POLN: variants seen among roughly 807,000 people sequenced by gnomAD.
POLN encodes the protein DNA polymerase nu, also known as DNA polymerase N.
In POLN, 108 loss-of-function variants were observed where a neutral mutation model predicts 113.5. That is an observed-to-expected ratio of 0.95 (90% CI 0.81 to 1.12). The LOEUF (loss-of-function observed/expected upper bound fraction) is 1.12, where lower values mean the gene tolerates loss of function less well. Ranked by LOEUF, POLN falls within the 50% of genes most tolerant of loss-of-function variation. The pLI, the probability that POLN is intolerant of heterozygous loss-of-function variation, is 0.00. For synonymous variants in POLN, 386 were observed against 391.5 expected, an observed-to-expected ratio of 0.99 and a Z score of 0.17; for missense variants, 1,097 against 1,077.1, an observed-to-expected ratio of 1.02 and a Z score of -0.26.
Position 2,213,046 on chromosome 4 carries a change from C to A in POLN, c.213+1G>T, listed in dbSNP as rs751224774. 8 of 1,597,100 alleles carry A rather than the reference C, an allele frequency of 5.0e-6. No individual in the cohort carries two copies. Among genetic ancestry groups the A allele is most frequent in the Non-Finnish European group, 6.8e-6 (8 of 1,169,182 alleles). On this transcript the variant is annotated splice_donor_variant, in intron 4 of 25. Coordinates refer to ENST00000511885, the MANE Select transcript of POLN (RefSeq NM_181808.4). LOFTEE classifies it high-confidence loss of function. ...AATTACTCATATGTGCAATGATTTA[C>A]CTTTTTTTCTGGTGATTGAGTCTTC... is the stretch of plus-strand genomic sequence containing the variant.
Position 2,201,142 on chromosome 4 carries a change from C to G in POLN, c.715-2425G>C, listed in dbSNP as rs552130755. ...ATTAGCCGGGCGTGGTGGCACATGC[C>G]TGTAGTCCTAGTTACTCAAGAGGCT... On this transcript the variant is annotated intron_variant, in intron 5 of 25. Transcript: ENST00000511885. 2.4e-3 allele frequency among the ~76,000 whole-genome samples: 361 copies of G among 151,646 alleles called. 1 individual carries two copies. The highest frequency in any genetic ancestry group is 8.4e-3 in the African/African-American group (345 of 41,270).
At chr4:2,216,413 G>A (rs941265374) in intron 3 of POLN, among the ~76,000 whole-genome samples, 2 of 152,216 alleles carry the variant, frequency 1.3e-5, no homozygotes, top group African/African-American at 4.8e-5. Context: ...CCACGTACTG[G>A]TTAGTGATTT....
At chr4:2,238,064 G>T (rs564301597) in intron 2 of POLN, among the ~76,000 whole-genome samples, 1 of 152,154 alleles carries the variant, frequency 6.6e-6, no homozygotes, top group Non-Finnish European at 1.5e-5. Flanking sequence ...AAAATGAGGA[G>T]TAGGAGACAG....
At chr4:2,155,865 C>T (rs1433348728) in intron 16 of POLN, among the ~76,000 whole-genome samples, 3 of 151,762 alleles carry the variant, frequency 2.0e-5, no homozygotes, top group Non-Finnish European at 2.9e-5. Context: ...GACAGAGTCT[C>T]GCTCTGTCAC....
At chr4:2,123,677 G>A (rs981647533) in intron 19 of POLN, among the ~76,000 whole-genome samples, 1 of 146,964 alleles carries the variant, frequency 6.8e-6, no homozygotes, top group African/African-American at 2.5e-5. Context: ...ATGGTGGCAT[G>A]TACCTGTGGT....
At chr4:2,240,445 C>G in intron 2 of POLN, 1 of 1,613,842 alleles carries the variant, frequency 6.2e-7, no homozygotes, top group South Asian at 1.1e-5. Flanking sequence ...TCAGTAAGAG[C>G]CTGAAGTTCA....
chr4:2,126,309 T>C lies in POLN; in HGVS notation c.1982+1804A>G, dbSNP rs1391904719. On this transcript the variant is annotated intron_variant, in intron 19 of 25. Transcript: ENST00000511885. This position sits in a 1 kb window ranked among gnomAD's most constrained non-coding sequence, Gnocchi z 4.6. ...CCTCTGCTCCCCGTATATAAAATAT[T>C]TCTTCCTGAATTTTGTCATTCAAGT... is the stretch of plus-strand genomic sequence containing the variant. Among the ~76,000 whole-genome samples the C allele has an allele frequency of 6.6e-6, 1 of 152,252 alleles. No individual in the cohort carries two copies. The highest frequency in any genetic ancestry group is 2.4e-5 in the African/African-American group (1 of 41,460).
intron 14 of POLN, among the ~76,000 whole-genome samples, chr4:2,158,951 G>A (rs1272079442): frequency 1.3e-5 from 2 of 152,120 alleles, no homozygotes; most frequent in Non-Finnish European, 2.9e-5. Context: ...TGGGGTTCAC[G>A]AGTGGGGCTG....
At chr4:2,104,746 G>A (rs1731009759) in intron 19 of POLN, among the ~76,000 whole-genome samples, 1 of 152,220 alleles carries the variant, frequency 6.6e-6, no homozygotes, top group Non-Finnish European at 1.5e-5. Flanking sequence ...CAGACCACGT[G>A]AAACATGACA....
At chr4:2,077,232 G>C (rs962478234) in intron 23 of POLN, among the ~76,000 whole-genome samples, 1 of 152,190 alleles carries the variant, frequency 6.6e-6, no homozygotes, top group Admixed American at 6.5e-5. Context: ...GAGGGACTTC[G>C]GTCCTGCTGC....
At position 2,174,692 on chromosome 4, in the gene POLN, T is replaced by A. The variant is rs1732950587; in HGVS notation, c.1308A>T (p.Ala436=). The change falls in exon 10 of 26, where the codon GCA becomes GCT. Residue 436 remains alanine (A), a splice_region_variant and synonymous_variant. Coordinates refer to ENST00000511885, the MANE Select transcript of POLN (RefSeq NM_181808.4). Reference sequence around the variant, plus strand: ...TACTTCATCTTTATGGTAACTTACCTGCCAAAATTGGTATCAGAGGAAGCT... The same window carrying A: ...TACTTCATCTTTATGGTAACTTACCAGCCAAAATTGGTATCAGAGGAAGCT... ...TLELPLIPIL[A]VMESHAIQVN... 6.2e-7 allele frequency: 1 copy of A among 1,606,842 alleles called. No individual in the cohort carries two copies. The highest frequency in any genetic ancestry group is 8.5e-7 in the Non-Finnish European group (1 of 1,173,742).
chr4:2,082,523 A>T (rs551486891), intron 21 of POLN, among the ~76,000 whole-genome samples: 1 of 152,218 alleles, frequency 6.6e-6, no homozygotes, highest in South Asian at 2.1e-4. Context: ...GAAAATGAAC[A>T]CAAACACACT....
In POLN at chr4:2,090,559, T is replaced by A. The variant is rs1429854259; in HGVS notation, c.2066-4815A>T. The A allele has an allele frequency of 2.6e-5, 12 of 468,148 alleles. No individual in the cohort carries two copies. The East Asian group carries it at 5.4e-4, about 21-fold the overall frequency. 29.0% of individuals were successfully genotyped at this position (468,148 alleles called of 1,614,324 possible). On this transcript the variant is annotated intron_variant, in intron 20 of 25. Coordinates refer to ENST00000511885, the MANE Select transcript of POLN (RefSeq NM_181808.4). ...ATCCTCTACAGACTGGCCATGGTGA[T>A]CATCATCTTCAAGATCTTCATCGCA...
intron 16 of POLN, among the ~76,000 whole-genome samples, chr4:2,139,345 G>A (rs1470791499): frequency 6.6e-6 from 1 of 152,240 alleles, no homozygotes; most frequent in Admixed American, 6.5e-5. Context: ...GGGAGGCCAG[G>A]CTCCTCCACC....
chr4:2,100,084 A>AT (rs1387708183), intron 19 of POLN, among the ~76,000 whole-genome samples: 1 of 150,366 alleles, frequency 6.7e-6, no homozygotes, highest in African/African-American at 2.4e-5. Flanking sequence ...AAGAAAAAAA[A>AT]AGAAAAAGAA....
intron 16 of POLN, among the ~76,000 whole-genome samples, chr4:2,154,534 G>A (rs561636369): frequency 6.6e-6 from 1 of 152,282 alleles, no homozygotes; most frequent in African/African-American, 2.4e-5. Context: ...AAGGGACCAA[G>A]CATTTCACAT....
chr4:2,113,674 A>G (rs1731251135), intron 19 of POLN, among the ~76,000 whole-genome samples: 1 of 151,430 alleles, frequency 6.6e-6, no homozygotes, highest in Admixed American at 6.6e-5. Context: ...CCTGGCCAAC[A>G]TGGAGAAACC....
rs572539303 is a variant in POLN, at chr4:2,196,883, A to G, written c.908+1641T>C. On this transcript the variant is annotated intron_variant, in intron 6 of 25. Transcript: ENST00000511885. ...GAATGAGGCAGTAAACCATGCAGCT[A>G]TTTGGGAGAATGCTGCAGGGAGGGA... is the stretch of plus-strand genomic sequence containing the variant. Among the ~76,000 whole-genome samples the G allele has an allele frequency of 2.8e-4, 43 of 152,276 alleles. No homozygotes were observed. In the East Asian group the frequency reaches 7.9e-3, roughly 28 times the overall value.
intron 19 of POLN, among the ~76,000 whole-genome samples, chr4:2,103,591 T>C (rs34290550): frequency 0.013 from 1,953 of 152,252 alleles, 19 homozygotes; most frequent in Middle Eastern, 0.031. Context: ...GACATCCAAA[T>C]ACAGGAGGCT....
Sources: gnomAD v4.1 joint callset for allele counts (sites outside exome capture counted in the v4.1 genomes callset) on GRCh38, gnomAD v4.1.1 for gene constraint, Gnocchi (gnomAD v3.1) non-coding constraint, MANE v1.5 for transcripts, NCBI Gene and HGNC (gene_info 2026-07-23, HGNC 2026-07-21) for gene names.